RASA3: variants seen among roughly 807,000 people sequenced by gnomAD.
RASA3 encodes ras GTPase-activating protein 3.
A neutral mutation model predicts 110.0 loss-of-function variants in RASA3; 73 were observed. The observed-to-expected ratio is 0.66, with a 90% confidence interval of 0.55 to 0.81. The LOEUF (loss-of-function observed/expected upper bound fraction) is 0.81. RASA3 is among the 30% of genes least tolerant of loss of function. The probability of loss-of-function intolerance (pLI) is 0.00; values close to 1 mark genes in which losing one functional copy is unlikely to be tolerated. For synonymous variants in RASA3, 500 were observed against 451.4 expected, an observed-to-expected ratio of 1.11 and a Z score of -1.37; for missense variants, 976 against 1,113.2, an observed-to-expected ratio of 0.88 and a Z score of 1.75.
At chr13:114,113,182 T>C (rs967683448) in intron 1 of RASA3, among the ~76,000 whole-genome samples, 4 of 152,210 alleles carry the variant, frequency 2.6e-5, no homozygotes, top group African/African-American at 9.6e-5. Context: ...GAGGCTTCTC[T>C]GAATGTAAGT....
intron 22 of RASA3, among the ~76,000 whole-genome samples, chr13:113,991,384 G>C (rs905226694): frequency 1.5e-4 from 23 of 152,208 alleles, no homozygotes; most frequent in Admixed American, 6.5e-5. Context: ...GGAATGAAAA[G>C]AAGAAAATCT....
intron 7 of RASA3, among the ~76,000 whole-genome samples, chr13:114,026,294 G>C (rs915417053): frequency 1.3e-5 from 2 of 152,154 alleles, no homozygotes; most frequent in East Asian, 1.9e-4. Flanking sequence ...CCTGGAACTC[G>C]GTCCATGCTG....
intron 1 of RASA3, among the ~76,000 whole-genome samples, chr13:114,080,381 C>T (rs2079764313): frequency 6.6e-6 from 1 of 152,176 alleles, no homozygotes; most frequent in Admixed American, 6.5e-5. Context: ...GTGACACCAC[C>T]TGCCCAGGGA....
intron 1 of RASA3, among the ~76,000 whole-genome samples, chr13:114,080,460 C>G (rs1035482267): frequency 1.3e-5 from 2 of 152,174 alleles, no homozygotes; most frequent in Non-Finnish European, 2.9e-5. Context: ...CCAGCTCCCT[C>G]CAGTCTCCAC....
At chr13:114,046,194 C>T (rs974043551) in intron 3 of RASA3, among the ~76,000 whole-genome samples, 3 of 152,194 alleles carry the variant, frequency 2.0e-5, no homozygotes, top group Non-Finnish European at 2.9e-5. Context: ...ATCAAGACTG[C>T]GTGGTATTGG....
In RASA3 at chr13:113,983,389, C is replaced by T. The variant is rs551379196; in HGVS notation, c.2246-1531G>A. Among the ~76,000 whole-genome samples, 4 of 129,622 alleles carry T rather than the reference C, an allele frequency of 3.1e-5. 1 individual carries two copies. The highest frequency in any genetic ancestry group is 2.7e-4 in the South Asian group (1 of 3,680). The allele number at this position is 129,622 out of a possible 152,430, so 85.0% of individuals were successfully genotyped here. A position where few individuals can be genotyped will look rare whatever the true frequency, so the allele number is the denominator to read the frequency against. On this transcript the variant is annotated intron_variant, in intron 22 of 23. Coordinates refer to ENST00000334062, the MANE Select transcript of RASA3 (RefSeq NM_007368.4). ...AACTCGCGAGTGATGACATCAGACA[C>T]GTAATTGAGGAGATTTCTAAGCAAA...
intron 1 of RASA3, among the ~76,000 whole-genome samples, chr13:114,123,130 A>G (rs574964235): frequency 6.6e-6 from 1 of 152,260 alleles, no homozygotes; most frequent in East Asian, 1.9e-4. Context: ...GGAGCCTCAG[A>G]GGAGGGGGGC....
At chr13:114,110,880 C>T (rs9314896) in intron 1 of RASA3, among the ~76,000 whole-genome samples, 10 of 152,152 alleles carry the variant, frequency 6.6e-5, no homozygotes, top group East Asian at 3.9e-4. Flanking sequence ...TGTCCCAGGT[C>T]GGGGGCAGCA....
At chr13:114,072,258 C>T (rs72659557) in intron 2 of RASA3, among the ~76,000 whole-genome samples, 16,307 of 152,228 alleles carry the variant, frequency 0.11, 1,141 homozygotes, top group Middle Eastern at 0.18. Context: ...AGTGGTCCTC[C>T]GAGTACGGCC....
Position 113,999,656 on chromosome 13 carries a change from G to C in RASA3, c.1861C>G (p.Leu621Val). 2 of 1,613,200 alleles carry C rather than the reference G, an allele frequency of 1.2e-6. No homozygotes were observed. The highest frequency in any genetic ancestry group is 1.7e-6 in the Non-Finnish European group (2 of 1,179,768). The change falls in exon 20 of 24, where the codon CTC (leucine) becomes GTC (valine). Residue 621 changes from leucine (L) to valine (V), a missense_variant. Around this residue, in one of 4 missense-constraint regions of RASA3, gnomAD observed 109 missense variants for 162.5 expected, o/e 0.67. Transcript: ENST00000334062. ...ATGTTCTCGATGGGAATGCTGTAGAGAGGCTGGTCCCCTGCAGCAGAGATG... is the reference window on the plus strand; with the variant it reads ...ATGTTCTCGATGGGAATGCTGTAGACAGGCTGGTCCCCTGCAGCAGAGATG... ...TYHKSKGDQP[L>V]YSIPIENILA...
At chr13:113,996,464 C>T in intron 21 of RASA3, 67 bp downstream of exon 21, 1 of 1,473,272 alleles carries the variant, frequency 6.8e-7, no homozygotes, top group Non-Finnish European at 9.3e-7. Context: ...GCTGGTCCCT[C>T]CCTACTCAGC....
At chr13:114,002,095 G>A (rs2053418189) in intron 18 of RASA3, among the ~76,000 whole-genome samples, 1 of 152,248 alleles carries the variant, frequency 6.6e-6, no homozygotes, top group Non-Finnish European at 1.5e-5. Context: ...CGGCGGCCGA[G>A]CTGGAGGAGA....
chr13:114,010,824 A>AGGAGGGAG (rs752676534), intron 16 of RASA3, among the ~76,000 whole-genome samples: 1 of 3,866 alleles, frequency 2.6e-4, no homozygotes, highest in African/African-American at 1.6e-3. Context: ...GGGCTGCGTG[A>AGGAGGGAG]CGAGGAGCCT....
chr13:114,071,371 CCAAA>C (rs1482150343), intron 2 of RASA3, among the ~76,000 whole-genome samples: 2 of 152,192 alleles, frequency 1.3e-5, no homozygotes, highest in African/African-American at 4.8e-5. Context: ...AGAGAGGTTC[CCAAA>C]CAGATTCTCC....
intron 1 of RASA3, among the ~76,000 whole-genome samples, chr13:114,123,170 C>T (rs527349021): frequency 3.3e-5 from 5 of 152,324 alleles, no homozygotes; most frequent in South Asian, 2.1e-4. Context: ...CAGTCACCAC[C>T]GGACGCCGAG....
At chr13:114,132,400 G>T in intron 1 of RASA3, 35 bp downstream of exon 1, 1 of 1,495,412 alleles carries the variant, frequency 6.7e-7, no homozygotes, top group South Asian at 1.3e-5. Context: ...GGTCGGGCCG[G>T]GGGGTCGGAC....
At chr13:114,031,785 G>A (rs1594355284) in intron 4 of RASA3, among the ~76,000 whole-genome samples, 1 of 152,224 alleles carries the variant, frequency 6.6e-6, no homozygotes, top group African/African-American at 2.4e-5. Context: ...TAGCTCCTGA[G>A]GCTCCGGGAA....
intron 2 of RASA3, among the ~76,000 whole-genome samples, chr13:114,060,763 T>C (rs1159405995): frequency 6.6e-6 from 1 of 152,186 alleles, no homozygotes; most frequent in East Asian, 1.9e-4. Flanking sequence ...GCTGCAGTGT[T>C]ATCAGTGGTC....
Position 114,014,035 on chromosome 13 carries a change from T to G in RASA3, c.1406-787A>C, listed in dbSNP as rs1161552719. 8.5e-6 allele frequency among the ~76,000 whole-genome samples: 1 copy of G among 117,994 alleles called. No homozygotes were observed. The highest frequency in any genetic ancestry group is 2.8e-5 in the African/African-American group (1 of 35,554). The allele number at this position is 117,994 out of a possible 152,430, so 77.4% of individuals were successfully genotyped here. On this transcript the variant is annotated intron_variant, in intron 14 of 23. Transcript: ENST00000334062. The surrounding 1 kb of genome is among the most constrained non-coding windows in gnomAD (Gnocchi z 4.5). ...GTCTCTCTCCATCTCTCTCTCTCCGTCTCTATCTCTCTCTCCGTCTGTCTC... is the reference window on the plus strand; with the variant it reads ...GTCTCTCTCCATCTCTCTCTCTCCGGCTCTATCTCTCTCTCCGTCTGTCTC...
Sources: gnomAD v4.1 joint callset for allele counts (sites outside exome capture counted in the v4.1 genomes callset) on GRCh38, gnomAD v4.1.1 for gene constraint, gnomAD v4.1.1 regional missense constraint, Gnocchi (gnomAD v3.1) non-coding constraint, MANE v1.5 for transcripts, NCBI Gene and HGNC (gene_info 2026-07-23, HGNC 2026-07-21) for gene names.